The following CRISPLD1 variants were observed in gnomAD, a reference collection of about 807,000 sequenced individuals.
CRISPLD1 encodes cysteine rich secretory protein LCCL domain containing 1, also known as cysteine-rich secretory protein LCCL domain-containing 1.
CRISPLD1 carries 60 observed loss-of-function variants against 77.5 expected under a neutral mutation model. The observed-to-expected ratio is 0.77, with a 90% CI of 0.63 to 0.96. CRISPLD1 has a LOEUF of 0.96. Among genes scored for constraint, CRISPLD1 ranks in the 40% least tolerant of loss-of-function variants. The pLI is 0.00. For missense variants in CRISPLD1, 623 were observed against 615.8 expected, an observed-to-expected ratio of 1.01 and a Z score of -0.12; for synonymous variants, 195 against 200.1, an observed-to-expected ratio of 0.97 and a Z score of 0.22.
chr8:75,012,270 C>T (rs897793698), intron 2 of CRISPLD1, among the ~76,000 whole-genome samples, 163 bp from the exon 3 acceptor site: 2 of 152,004 alleles, frequency 1.3e-5, no homozygotes, highest in African/African-American at 4.8e-5. Flanking sequence ...ATTTGGAGGC[C>T]AGTGCAAAAA....
rs140394595 is a variant in CRISPLD1, at chr8:75,001,531, A to G, written c.259-10902A>G. Among the ~76,000 whole-genome samples, 84 of 152,364 alleles carry G rather than the reference A, an allele frequency of 5.5e-4. 1 individual carries two copies. Among genetic ancestry groups the G allele is most frequent in the African/African-American group, 1.8e-3 (76 of 41,588 alleles). The stretch of plus-strand genomic sequence containing the variant: ...CTGCATATAAATCATGAAGAATTTC[A>G]GAGTAAAGCAGTGAACAGTAAAGCT... On this transcript the variant is annotated intron_variant, in intron 2 of 14. Coordinates refer to ENST00000262207, the MANE Select transcript of CRISPLD1 (RefSeq NM_031461.6).
At chr8:75,023,329 G>C (rs1441962836) in intron 12 of CRISPLD1, among the ~76,000 whole-genome samples, 2 of 152,200 alleles carry the variant, frequency 1.3e-5, no homozygotes, top group East Asian at 3.8e-4. Context: ...CCATAAGGAT[G>C]ACGGTGAATG....
intron 12 of CRISPLD1, among the ~76,000 whole-genome samples, chr8:75,023,709 G>A (rs192434334): frequency 2.6e-5 from 4 of 152,150 alleles, no homozygotes; most frequent in African/African-American, 9.6e-5. Flanking sequence ...TGATTATCAT[G>A]TAGTTATGTT....
In CRISPLD1 at chr8:74,986,172, T is replaced by C; in HGVS notation, c.185T>C (p.Met62Thr). Residue 62 changes from methionine (M) to threonine (T), a missense_variant, in exon 2 of 15, where the codon ATG becomes ACG. Coordinates refer to ENST00000262207, the MANE Select transcript of CRISPLD1 (RefSeq NM_031461.6). ...RGKRAITDND[M>T]QSILDLHNKL... ...AAAAGGGCCATCACAGACAATGACA[T>C]GCAGAGTATTTTGGACCTTCATAAT... 6.2e-7 allele frequency: 1 copy of C among 1,614,126 alleles called. No individual in the cohort carries two copies. The highest frequency in any genetic ancestry group is 1.1e-5 in the South Asian group (1 of 91,082).
chr8:75,026,867 G>A (rs905726901), intron 13 of CRISPLD1: 2 of 152,038 alleles, frequency 1.3e-5, no homozygotes, highest in Non-Finnish European at 2.9e-5. Context: ...CTGGTCTTAT[G>A]TGCCACTGAA....
chr8:75,024,478 C>T lies in CRISPLD1; in HGVS notation c.1245-1068C>T, dbSNP rs144562145. ...GTAGTGGGATTACAGGCACCCAGGA[C>T]CATGCCCGGCTAATTTTTGTATTTT... On this transcript the variant is annotated intron_variant, in intron 12 of 14. Coordinates refer to ENST00000262207, the MANE Select transcript of CRISPLD1 (RefSeq NM_031461.6). Among the ~76,000 whole-genome samples the T allele has an allele frequency of 5.0e-4, 76 of 152,202 alleles. No homozygotes were observed. In the South Asian group the frequency reaches 6.8e-3, roughly 14 times the overall value.
intron 2 of CRISPLD1, among the ~76,000 whole-genome samples, chr8:75,002,642 G>C (rs1319725848): frequency 6.6e-6 from 1 of 151,876 alleles, no homozygotes; most frequent in Non-Finnish European, 1.5e-5. Context: ...TGTGTGAGAG[G>C]ACCCAGTCTC....
intron 14 of CRISPLD1, among the ~76,000 whole-genome samples, chr8:75,031,566 T>C (rs1231906076): frequency 1.7e-5 from 1 of 58,378 alleles, no homozygotes; most frequent in Admixed American, 1.3e-4. Flanking sequence ...GATTGAATGC[T>C]CTGTGTGTGT....
At chr8:74,989,924 A>G (rs1054916003) in intron 2 of CRISPLD1, among the ~76,000 whole-genome samples, 2 of 152,180 alleles carry the variant, frequency 1.3e-5, no homozygotes, top group African/African-American at 4.8e-5. Flanking sequence ...TCGCTCAGCC[A>G]TAAAAAAGAA....
At chr8:75,022,966 T>C (rs1209391628) in intron 12 of CRISPLD1, among the ~76,000 whole-genome samples, 2 of 151,406 alleles carry the variant, frequency 1.3e-5, no homozygotes, top group Non-Finnish European at 2.9e-5. Context: ...GTTTTACATA[T>C]ACCTACAAAC....
At chr8:75,026,676 G>T (rs1813241598) in intron 13 of CRISPLD1, 1 of 152,140 alleles carries the variant, frequency 6.6e-6, no homozygotes, top group Non-Finnish European at 1.5e-5. Context: ...GCAAATTTAG[G>T]AAATGTCTTA....
chr8:74,995,369 C>A (rs906151554), intron 2 of CRISPLD1, among the ~76,000 whole-genome samples: 1 of 152,214 alleles, frequency 6.6e-6, no homozygotes, highest in African/African-American at 2.4e-5. Context: ...TCTGATAATA[C>A]AGTCTGGGTG....
chr8:75,013,123 A>G, intron 4 of CRISPLD1, 101 bp downstream of exon 4: 1 of 950,088 alleles, frequency 1.1e-6, no homozygotes, highest in Non-Finnish European at 1.4e-6. Context: ...TAATATGGTT[A>G]TTAAAAAAAT....
At chr8:75,031,744 G>T (rs1321397648) in intron 14 of CRISPLD1, among the ~76,000 whole-genome samples, 1 of 152,010 alleles carries the variant, frequency 6.6e-6, no homozygotes, top group African/African-American at 2.4e-5. Flanking sequence ...CTTGGGCAAT[G>T]ATAATAAGCT....
Position 75,032,861 on chromosome 8 carries a change from C to A in CRISPLD1, c.*619C>A, listed in dbSNP as rs951734560. On this transcript the variant is annotated 3_prime_UTR_variant, in exon 15 of 15. Transcript: ENST00000262207. Reference sequence around the variant, plus strand: ...AAAATGTTTGATTCCTTGGGAATGGCCTTAAAAATAAATGTAATAAAGTCA... The same window carrying A: ...AAAATGTTTGATTCCTTGGGAATGGACTTAAAAATAAATGTAATAAAGTCA... The A allele has an allele frequency of 6.6e-5, 10 of 151,706 alleles. No homozygotes were observed. The highest frequency in any genetic ancestry group is 2.2e-4 in the African/African-American group (9 of 41,348). 9.4% of individuals were successfully genotyped at this position (151,706 alleles called of 1,614,324 possible). A position where few individuals can be genotyped will look rare whatever the true frequency, so the allele number is the denominator to read the frequency against.
At chr8:75,015,120 T>A (rs1174210709) in intron 6 of CRISPLD1, among the ~76,000 whole-genome samples, 2 of 152,150 alleles carry the variant, frequency 1.3e-5, no homozygotes, top group Non-Finnish European at 2.9e-5. Context: ...CCATGGTTAT[T>A]TCAGGTAACT....
intron 4 of CRISPLD1, among the ~76,000 whole-genome samples, chr8:75,013,307 A>T (rs914356244): frequency 3.3e-5 from 5 of 152,114 alleles, no homozygotes; most frequent in Non-Finnish European, 5.9e-5. Flanking sequence ...ACCATCTTCA[A>T]TGTCAAAGTT....
chr8:75,001,704 CT>C (rs1812744981), intron 2 of CRISPLD1, among the ~76,000 whole-genome samples: 1 of 152,022 alleles, frequency 6.6e-6, no homozygotes, highest in South Asian at 2.1e-4. Context: ...CAGTCACAAT[CT>C]GTGTGAATTG....
In CRISPLD1 at chr8:75,012,889, G is replaced by A; in HGVS notation, c.378-1G>A. 1.2e-6 allele frequency: 2 copies of A among 1,606,360 alleles called. No individual in the cohort carries two copies. Among genetic ancestry groups the A allele is most frequent in the Middle Eastern group, 1.7e-4 (1 of 5,998 alleles). ...CTCTGTGACTATTTTCTTTCTAATAGATATAGGCCCCCGACGTTTCATGTA... is the reference window on the plus strand; with the variant it reads ...CTCTGTGACTATTTTCTTTCTAATAAATATAGGCCCCCGACGTTTCATGTA... On this transcript the variant is annotated splice_acceptor_variant, in intron 3 of 14. Coordinates refer to ENST00000262207, the MANE Select transcript of CRISPLD1 (RefSeq NM_031461.6). LOFTEE classifies it high-confidence loss of function.
Sources: allele counts gnomAD v4.1 joint callset (sites outside exome capture counted in the v4.1 genomes callset), GRCh38; gene constraint gnomAD v4.1.1; transcripts MANE v1.5; gene names NCBI Gene and HGNC (gene_info 2026-07-23, HGNC 2026-07-21).